The following ST6GALNAC2 variants were observed in gnomAD, a reference collection of about 807,000 sequenced individuals.
ST6GALNAC2 encodes the protein alpha-N-acetylgalactosaminide alpha-2,6-sialyltransferase 2.
Under a neutral mutation model 38.7 loss-of-function variants are expected in ST6GALNAC2, and 42 were observed. The observed-to-expected ratio is 1.09, with a 90% CI of 0.85 to 1.40. The LOEUF is 1.40. Ranked by LOEUF, ST6GALNAC2 falls within the 40% of genes most tolerant of loss-of-function variation. The pLI, the probability that ST6GALNAC2 is intolerant of heterozygous loss-of-function variation, is 0.00. For synonymous variants in ST6GALNAC2, 233 were observed against 209.0 expected (o/e 1.11, Z -0.99); for missense variants, 506 against 481.7 (o/e 1.05, Z -0.47).
In ST6GALNAC2 at chr17:76,585,685, T is replaced by G. The variant is rs2075537110; in HGVS notation, c.124A>C (p.Arg42=). The change falls in exon 1 of 9, where the codon AGG becomes CGG. Residue 42 remains arginine, a splice_region_variant and synonymous_variant. Coordinates refer to ENST00000225276, the MANE Select transcript of ST6GALNAC2 (RefSeq NM_006456.3). ...CGCTCTGCGCTCGGCAGCCCCTACC[T>G]GGCTCCGGCCGCTGGCCCCGGGTAC... ...QRYPGPAAGA[R]DTTSFEAFFQ... is the part of the protein sequence containing the mutation. The G allele has an allele frequency of 8.5e-6, 13 of 1,524,982 alleles. No homozygotes were observed. The highest frequency in any genetic ancestry group is 1.1e-5 in the Non-Finnish European group (13 of 1,140,802). 94.5% of individuals were successfully genotyped at this position (1,524,982 alleles called of 1,614,324 possible).
intron 1 of ST6GALNAC2, among the ~76,000 whole-genome samples, chr17:76,584,438 T>C (rs1292991836): frequency 1.3e-5 from 2 of 152,156 alleles, no homozygotes; most frequent in Non-Finnish European, 1.5e-5. Flanking sequence ...TTTCTTTGCA[T>C]TGAGATACTT....
chr17:76,568,896 T>TGAGCGGTAGGAGC (rs1186679613), intron 6 of ST6GALNAC2, 100 bp from the exon 7 acceptor site: 1 of 1,149,352 alleles, frequency 8.7e-7, no homozygotes, highest in Admixed American at 1.8e-5. Flanking sequence ...CGCGGTACCC[T>TGAGCGGTAGGAGC]GAGCGGTAGG....
At chr17:76,582,467 C>G (rs1027993404) in intron 1 of ST6GALNAC2, among the ~76,000 whole-genome samples, 12 of 152,036 alleles carry the variant, frequency 7.9e-5, no homozygotes, top group African/African-American at 2.9e-4. Context: ...CCATGCCCGG[C>G]CTTCATATTC....
intron 2 of ST6GALNAC2, among the ~76,000 whole-genome samples, chr17:76,575,011 G>A (rs898776616): frequency 6.6e-6 from 1 of 152,084 alleles, no homozygotes; most frequent in African/African-American, 2.4e-5. Context: ...GGCAGCTAGG[G>A]GGTCTGGGAA....
chr17:76,570,949 G>A (rs1340595762), intron 5 of ST6GALNAC2: 6 of 371,160 alleles, frequency 1.6e-5, no homozygotes, highest in Non-Finnish European at 2.5e-5. Flanking sequence ...GTGATGGTGT[G>A]TGGCTTAGAG....
intron 7 of ST6GALNAC2, chr17:76,568,100 C>A (rs902310263): frequency 3.7e-5 from 6 of 161,674 alleles, no homozygotes; most frequent in Admixed American, 3.6e-4. Context: ...TCCACACACC[C>A]CTCTCCAACT....
rs759526325 is a variant in ST6GALNAC2 at position 76,567,459 on chromosome 17, A to G, written c.951T>C (p.Cys317=). 3 of 1,611,078 alleles carry G rather than the reference A, an allele frequency of 1.9e-6. No individual in the cohort carries two copies. Among genetic ancestry groups the G allele is most frequent in the East Asian group, 2.2e-5 (1 of 44,880 alleles). Residue 317 remains cysteine (C), a synonymous_variant, in exon 8 of 9, where the codon TGT becomes TGC. Transcript: ENST00000225276. ...GGAAGAGAAGGCCTCTTACCTGGTC[A>G]CAGGTATGCAAAGCTGTCAGCAGCA... ...ALMLLTALHT[C]DQVSAYGFIT...
intron 2 of ST6GALNAC2, among the ~76,000 whole-genome samples, chr17:76,575,190 C>A (rs8069011): frequency 0.045 from 6,858 of 152,216 alleles, 531 homozygotes; most frequent in African/African-American, 0.16. Flanking sequence ...TCAGCCTGGG[C>A]TGAGCTGAGG....
Position 76,573,202 on chromosome 17 carries a change from C to T in ST6GALNAC2, c.523G>A (p.Val175Ile). Residue 175 changes from valine to isoleucine, a missense_variant, in exon 4 of 9, where the codon GTA becomes ATA. Coordinates refer to ENST00000225276, the MANE Select transcript of ST6GALNAC2 (RefSeq NM_006456.3). This position sits in a 1 kb window ranked among gnomAD's most constrained non-coding sequence, Gnocchi z 5.1. ...QGPNIDAHDY[V>I]FRLNGAVIKG... The stretch of plus-strand genomic sequence containing the variant: ...AGCTCCTACCCCTCATACCTGAATA[C>T]ATAGTCATGGGCATCGATGTTGGGA... 6.4e-7 allele frequency: 1 copy of T among 1,564,330 alleles called. No homozygotes were observed. The highest frequency in any genetic ancestry group is 8.7e-7 in the Non-Finnish European group (1 of 1,145,306).
At chr17:76,574,326 A>G (rs7207173) in intron 3 of ST6GALNAC2, 39 bp downstream of exon 3, 1,239,721 of 1,591,460 alleles carry the variant, frequency 0.78, 483,672 homozygotes, top group East Asian at 0.87. Context: ...GCAGGAAGCT[A>G]AGGCAGAAGG....
chr17:76,568,611 G>T, intron 7 of ST6GALNAC2, 102 bp downstream of exon 7: 4 of 1,089,886 alleles, frequency 3.7e-6, no homozygotes, highest in East Asian at 2.4e-5. Context: ...TCTGGTTATC[G>T]GTCAGTGCGT....
Position 76,567,446 on chromosome 17 carries a change from C to T in ST6GALNAC2, c.957+7G>A, listed in dbSNP as rs748296298. The T allele has an allele frequency of 3.7e-6, 6 of 1,606,988 alleles. No individual in the cohort carries two copies. The highest frequency in any genetic ancestry group is 5.1e-6 in the Non-Finnish European group (6 of 1,173,836). On this transcript the variant is annotated splice_region_variant and intron_variant, in intron 8 of 8. Transcript: ENST00000225276. The stretch of plus-strand genomic sequence containing the variant: ...GGCATGGGCTTCTGGAAGAGAAGGC[C>T]TCTTACCTGGTCACAGGTATGCAAA...
chr17:76,574,213 G>C, intron 3 of ST6GALNAC2, 152 bp downstream of exon 3: 2 of 889,738 alleles, frequency 2.2e-6, no homozygotes, highest in Non-Finnish European at 3.4e-6. Flanking sequence ...GGTGAGGCAG[G>C]AGTTGCATAG....
chr17:76,576,830 T>C (rs4788930), intron 2 of ST6GALNAC2, among the ~76,000 whole-genome samples: 114,382 of 151,708 alleles, frequency 0.75, 43,402 homozygotes, highest in East Asian at 0.84. Flanking sequence ...ATTAGCCTGG[T>C]GTGGTGGCAC....
intron 1 of ST6GALNAC2, among the ~76,000 whole-genome samples, chr17:76,581,876 A>AT (rs1199178067): frequency 6.6e-5 from 10 of 151,476 alleles, no homozygotes; most frequent in Admixed American, 2.6e-4. Context: ...TTTTATTTTT[A>AT]TTTTTTTTAA....
chr17:76,567,809 C>CA (rs1395660649), intron 7 of ST6GALNAC2: 7 of 431,142 alleles, frequency 1.6e-5, no homozygotes, highest in Admixed American at 1.1e-4. Flanking sequence ...ACTAAGTAAC[C>CA]ACACTGCCAA....
At chr17:76,568,648 A>C (rs1158007611) in intron 7 of ST6GALNAC2, 65 bp downstream of exon 7, 1 of 1,522,888 alleles carries the variant, frequency 6.6e-7, no homozygotes, top group African/African-American at 1.4e-5. Flanking sequence ...CGCTGACTGG[A>C]TGTGGGTGGG....
At chr17:76,575,723 G>T (rs2143306800) in intron 2 of ST6GALNAC2, among the ~76,000 whole-genome samples, 1 of 152,330 alleles carries the variant, frequency 6.6e-6, no homozygotes, top group South Asian at 2.1e-4. Context: ...TTGAGGGAGG[G>T]TGAGGTCAGG....
chr17:76,580,722 A>AG (rs34489440), intron 1 of ST6GALNAC2, among the ~76,000 whole-genome samples: 63,356 of 151,498 alleles, frequency 0.42, 15,671 homozygotes, highest in East Asian at 0.57. Context: ...TCCATCTCAA[A>AG]AAAAAAAAGA....
Sources: gnomAD v4.1 joint callset for allele counts (sites outside exome capture counted in the v4.1 genomes callset) on GRCh38, gnomAD v4.1.1 for gene constraint, Gnocchi (gnomAD v3.1) non-coding constraint, MANE v1.5 for transcripts, NCBI Gene and HGNC (gene_info 2026-07-23, HGNC 2026-07-21) for gene names.